MYO9B: variants seen among roughly 807,000 people sequenced by gnomAD.
The protein encoded by MYO9B is myosin IXB.
Under a neutral mutation model 229.5 loss-of-function variants are expected in MYO9B, and 71 were observed. The observed-to-expected ratio is 0.31, with a 90% confidence interval of 0.26 to 0.38. MYO9B has a LOEUF of 0.38. Among genes scored for constraint, MYO9B ranks in the 10% least tolerant of loss-of-function variants. The pLI is 1.00. For synonymous variants in MYO9B, 1,185 were observed against 1,235.8 expected, an observed-to-expected ratio of 0.96 and a Z score of 0.86; for missense variants, 2,255 against 2,920.5, an observed-to-expected ratio of 0.77 and a Z score of 5.25.
At chr19:17,131,683 C>T (rs1188454203) in intron 2 of MYO9B, among the ~76,000 whole-genome samples, 1 of 152,162 alleles carries the variant, frequency 6.6e-6, no homozygotes, top group East Asian at 1.9e-4. Flanking sequence ...TTCCAGCCCT[C>T]AATGTCCCTG....
At chr19:17,082,803 G>A (rs1600013474) in intron 1 of MYO9B, among the ~76,000 whole-genome samples, 1 of 152,088 alleles carries the variant, frequency 6.6e-6, no homozygotes, top group Non-Finnish European at 1.5e-5. Flanking sequence ...GTGGTCCCTC[G>A]GGAGTCAGGC....
rs117903587 is a variant in MYO9B, at chr19:17,114,071, C to A, written c.840+11514C>A. Among the ~76,000 whole-genome samples, 281 of 152,224 alleles carry A rather than the reference C, an allele frequency of 1.8e-3. 5 individuals carry two copies. In the East Asian group the frequency reaches 0.05, roughly 27 times the overall value. On this transcript the variant is annotated intron_variant, in intron 2 of 39. Transcript: ENST00000682292. ...GCCCACTAGTTGCCCATAGCACCCC[C>A]GCCCCTAGTCCCGACAACCAGAAAC...
chr19:17,175,189 C>G (rs539059854), intron 13 of MYO9B, among the ~76,000 whole-genome samples: 1 of 150,784 alleles, frequency 6.6e-6, no homozygotes, highest in Admixed American at 6.6e-5. Context: ...AGGAGGATTG[C>G]TTGAGCCCAG....
intron 2 of MYO9B, among the ~76,000 whole-genome samples, chr19:17,134,918 C>T (rs1251709151): frequency 6.6e-6 from 1 of 152,044 alleles, no homozygotes; most frequent in Non-Finnish European, 1.5e-5. Flanking sequence ...CATGCACCAC[C>T]ACACCCGGCT....
At chr19:17,078,966 T>A (rs929694648) in intron 1 of MYO9B, among the ~76,000 whole-genome samples, 7 of 152,160 alleles carry the variant, frequency 4.6e-5, no homozygotes, top group Non-Finnish European at 1.0e-4. Flanking sequence ...TCCAGGGCCG[T>A]TTCTCACCCG....
chr19:17,123,075 A>C (rs1568674000), intron 2 of MYO9B, among the ~76,000 whole-genome samples: 2 of 152,232 alleles, frequency 1.3e-5, no homozygotes, highest in Non-Finnish European at 2.9e-5. Flanking sequence ...GGACAGAGCA[A>C]GATCCTGTCT....
At chr19:17,190,368 A>T (rs1228992552) in intron 19 of MYO9B, among the ~76,000 whole-genome samples, 1 of 150,866 alleles carries the variant, frequency 6.6e-6, no homozygotes, top group South Asian at 2.2e-4. Context: ...TAATTTTGGT[A>T]GAGACAGGGT....
chr19:17,180,727 G>A, intron 14 of MYO9B, 200 bp from the exon 15 acceptor site: 3 of 537,050 alleles, frequency 5.6e-6, no homozygotes, highest in Admixed American at 7.4e-5. Flanking sequence ...CCGCTCCAGG[G>A]CTTGGGGAGG....
At chr19:17,091,687 C>T (rs907904158) in intron 1 of MYO9B, among the ~76,000 whole-genome samples, 16 of 152,144 alleles carry the variant, frequency 1.1e-4, no homozygotes, top group Non-Finnish European at 2.1e-4. Flanking sequence ...GCAGGGGGCA[C>T]GCCAGCTTGT....
chr19:17,158,442 A>G (rs2072560714), intron 7 of MYO9B, among the ~76,000 whole-genome samples: 1 of 152,078 alleles, frequency 6.6e-6, no homozygotes, highest in Admixed American at 6.5e-5. Context: ...TAAAAATACA[A>G]AAATTAACTG....
In MYO9B at chr19:17,202,182, T is replaced by C. The variant is rs1363297167; in HGVS notation, c.4715T>C (p.Val1572Ala). ...GATCTGATGGAGAACTACCAGATCG[T>C]CGTCAGCAACCTGGCCACTGAGCGT... ...YKDLMENYQI[V>A]VSNLATERGQ... The change falls in exon 28 of 40, where the codon GTC becomes GCC. Residue 1572 changes from valine to alanine, a missense_variant. Val to Ala is a moderately conservative substitution (Grantham distance 64). Transcript: ENST00000682292. 6.2e-7 allele frequency: 1 copy of C among 1,613,624 alleles called. No homozygotes were observed. The highest frequency in any genetic ancestry group is 8.5e-7 in the Non-Finnish European group (1 of 1,179,822).
chr19:17,154,971 CA>C (rs1005478544), intron 6 of MYO9B, among the ~76,000 whole-genome samples: 11 of 144,868 alleles, frequency 7.6e-5, no homozygotes, highest in African/African-American at 1.0e-4. Context: ...GACCCAGTCT[CA>C]AAAAAAAAAG....
At chr19:17,208,234 G>C in intron 35 of MYO9B, among the ~76,000 whole-genome samples, 1 of 147,546 alleles carries the variant, frequency 6.8e-6, no homozygotes, top group Non-Finnish European at 1.5e-5. Context: ...AGCTACTCGG[G>C]AGGCTGAGGC....
chr19:17,199,869 T>C lies in MYO9B; in HGVS notation c.4239-424T>C, dbSNP rs377415446. 7.3e-5 allele frequency among the ~76,000 whole-genome samples: 11 copies of C among 151,036 alleles called. No homozygotes were observed. In the East Asian group the frequency reaches 1.7e-3, roughly 24 times the overall value. ...CCAGATCCATTTTTGTTTTTGTTTT[T>C]TGTTTTTTTTTTTGAGACAGAGTCT... On this transcript the variant is annotated intron_variant, in intron 24 of 39. Coordinates refer to ENST00000682292, the MANE Select transcript of MYO9B (RefSeq NM_004145.4).
At chr19:17,094,603 AACTT>A (rs1287197526) in intron 1 of MYO9B, among the ~76,000 whole-genome samples, 4 of 152,184 alleles carry the variant, frequency 2.6e-5, no homozygotes, top group Non-Finnish European at 4.4e-5. Context: ...CTCTTTTTAA[AACTT>A]AATTAAGGAA....
intron 1 of MYO9B, among the ~76,000 whole-genome samples, chr19:17,085,187 A>G (rs10405158): frequency 0.57 from 86,731 of 151,914 alleles, 25,480 homozygotes; most frequent in South Asian, 0.7. Flanking sequence ...TCCTGAGACC[A>G]TTGTCCCCCA....
intron 2 of MYO9B, among the ~76,000 whole-genome samples, chr19:17,108,835 T>TC (rs2057818542): frequency 6.6e-6 from 1 of 151,090 alleles, no homozygotes. Flanking sequence ...GCCTCAGCCC[T>TC]CCCGAGTAGC....
Position 17,212,809 on chromosome 19 carries a change from G to A in MYO9B, c.*499G>A, listed in dbSNP as rs2073246540. 6.5e-6 allele frequency: 1 copy of A among 153,614 alleles called. No homozygotes were observed. The highest frequency in any genetic ancestry group is 2.4e-5 in the African/African-American group (1 of 41,496). 9.5% of individuals were successfully genotyped at this position (153,614 alleles called of 1,614,324 possible). On this transcript the variant is annotated 3_prime_UTR_variant, in exon 40 of 40. Transcript: ENST00000682292. This position sits in a 1 kb window ranked among gnomAD's most constrained non-coding sequence, Gnocchi z 5.4. ...GTTGGCTTGGGGTGGCCAATGGGCT[G>A]GGACCCTCCATGAGAGTTTTGGACA...
intron 26 of MYO9B, 27 bp from the exon 27 acceptor site, chr19:17,201,899 G>C (rs34035334): frequency 6.3e-7 from 1 of 1,580,820 alleles, no homozygotes; most frequent in Non-Finnish European, 8.7e-7. Context: ...CCTGAGGCAC[G>C]CAGGGTCAGT....
Sources: allele counts gnomAD v4.1 joint callset (sites outside exome capture counted in the v4.1 genomes callset), GRCh38; gene constraint gnomAD v4.1.1; non-coding constraint Gnocchi (gnomAD v3.1); transcripts MANE v1.5; gene names NCBI Gene and HGNC (gene_info 2026-07-23, HGNC 2026-07-21).